Variants in MMP26 observed in about 807,000 individuals in gnomAD.
MMP26 encodes matrix metalloproteinase-26.
MMP26 carries 33 observed loss-of-function variants against 31.0 expected under a neutral mutation model. The ratio of observed to expected loss-of-function variants is 1.06; its 90% CI spans 0.81 to 1.42. MMP26 has a LOEUF of 1.42. Among genes scored for constraint, MMP26 ranks in the 40% most tolerant of loss-of-function variants. The probability of loss-of-function intolerance (pLI) is 0.00; values close to 1 mark genes in which losing one functional copy is unlikely to be tolerated. For synonymous variants in MMP26, 122 were observed against 114.9 expected, an observed-to-expected ratio of 1.06 and a Z score of -0.40; for missense variants, 347 against 316.1, an observed-to-expected ratio of 1.10 and a Z score of -0.74.
chr11:4,847,542 G>A (rs1187663984), intron 2 of MMP26: 4 of 152,124 alleles, frequency 2.6e-5, no homozygotes, highest in Non-Finnish European at 4.4e-5. Context: ...CATGTATAGT[G>A]ATCAGATCAG....
At chr11:4,716,263 T>A (rs965885710) in intron 1 of MMP26, among the ~76,000 whole-genome samples, 3 of 152,256 alleles carry the variant, frequency 2.0e-5, no homozygotes, top group Non-Finnish European at 2.9e-5. Flanking sequence ...CACCTACTTT[T>A]GCTGTGCTCA....
chr11:4,744,162 A>G (rs1161877146), intron 1 of MMP26, among the ~76,000 whole-genome samples: 2 of 152,108 alleles, frequency 1.3e-5, no homozygotes, highest in Non-Finnish European at 2.9e-5. Flanking sequence ...TAAATATTTT[A>G]TCTTAGAAAT....
At chr11:4,760,667 A>G (rs1411795865) in intron 1 of MMP26, among the ~76,000 whole-genome samples, 2 of 152,176 alleles carry the variant, frequency 1.3e-5, no homozygotes, top group Non-Finnish European at 2.9e-5. Context: ...GAAGTTTTCC[A>G]TTGATAGATT....
In MMP26 at chr11:4,854,372, C is replaced by T. The variant is rs572286738; in HGVS notation, c.-145+87031C>T. On this transcript the variant is annotated intron_variant, in intron 2 of 7. Transcript: ENST00000380390. ...TCGGGACACTCCTACCCTAATACTGCGCTTTTCCAACAGTCTTAGCAAATG... is the reference window on the plus strand; with the variant it reads ...TCGGGACACTCCTACCCTAATACTGTGCTTTTCCAACAGTCTTAGCAAATG... Among the ~76,000 whole-genome samples, 7 of 152,306 alleles carry T rather than the reference C, an allele frequency of 4.6e-5. No homozygotes were observed. The South Asian group carries it at 6.2e-4, about 14-fold the overall frequency.
At chr11:4,843,572 A>G (rs1024759011) in intron 2 of MMP26, among the ~76,000 whole-genome samples, 5 of 152,212 alleles carry the variant, frequency 3.3e-5, no homozygotes, top group African/African-American at 1.2e-4. Flanking sequence ...TCAAGGATGC[A>G]TAGATCAATG....
At chr11:4,712,020 T>A (rs1589880930) in intron 1 of MMP26, 1 of 152,202 alleles carries the variant, frequency 6.6e-6, no homozygotes, top group South Asian at 2.1e-4. Context: ...CTTCCCCTAC[T>A]GATCTGAAAC....
intron 2 of MMP26, among the ~76,000 whole-genome samples, chr11:4,808,440 C>T (rs1162665161): frequency 6.6e-6 from 1 of 152,066 alleles, no homozygotes. Context: ...GCCTCTAGCA[C>T]AGTCTCCAGC....
chr11:4,832,948 C>T (rs1361520339), intron 2 of MMP26: 1 of 165,346 alleles, frequency 6.0e-6, no homozygotes, highest in Non-Finnish European at 1.3e-5. Context: ...TCCCCTTTAG[C>T]TATGATTCTG....
intron 2 of MMP26, among the ~76,000 whole-genome samples, chr11:4,800,298 T>C (rs1252422166): frequency 6.6e-6 from 1 of 152,240 alleles, no homozygotes; most frequent in Non-Finnish European, 1.5e-5. Context: ...GCTTTCTGTG[T>C]GCCTGCAGAC....
At chr11:4,791,404 C>T (rs569996709) in intron 2 of MMP26, among the ~76,000 whole-genome samples, 271 of 152,214 alleles carry the variant, frequency 1.8e-3, no homozygotes, top group Non-Finnish European at 3.4e-3. Context: ...GAGAGTTTTA[C>T]TAACTTAGTT....
chr11:4,882,863 CT>C, intron 2 of MMP26: 1 of 1,612,720 alleles, frequency 6.2e-7, no homozygotes, highest in Non-Finnish European at 8.5e-7. Flanking sequence ...TGTGAGGGGT[CT>C]TAGGGGAAGA....
rs141565940 is a variant in MMP26, at chr11:4,708,027, A to G, written c.-217+2982A>G. On this transcript the variant is annotated intron_variant, in intron 1 of 7. Transcript: ENST00000380390. Reference sequence around the variant, plus strand: ...TTTCCCTTAGATTTATTACTCTAAGATATTTTTCACTGATCCTGTGACTTC... The same window carrying G: ...TTTCCCTTAGATTTATTACTCTAAGGTATTTTTCACTGATCCTGTGACTTC... Among the ~76,000 whole-genome samples, 7 of 152,290 alleles carry G rather than the reference A, an allele frequency of 4.6e-5. No individual in the cohort carries two copies. In the East Asian group the frequency reaches 1.4e-3, roughly 29 times the overall value.
intron 2 of MMP26, among the ~76,000 whole-genome samples, chr11:4,919,990 G>A (rs1851158456): frequency 6.6e-6 from 1 of 152,024 alleles, no homozygotes. Context: ...GGGGTGAGAT[G>A]AGCCCCTGCA....
At chr11:4,941,929 C>T (rs1846213321) in intron 2 of MMP26, among the ~76,000 whole-genome samples, 1 of 150,386 alleles carries the variant, frequency 6.6e-6, no homozygotes, top group South Asian at 2.1e-4. Flanking sequence ...ACTAAAAATA[C>T]AAAAAATTAG....
chr11:4,903,906 T>G (rs1365229604), intron 2 of MMP26: 2 of 152,068 alleles, frequency 1.3e-5, no homozygotes, highest in Non-Finnish European at 2.9e-5. Flanking sequence ...GTGGTTTCAG[T>G]GTGTGTGCAT....
intron 2 of MMP26, among the ~76,000 whole-genome samples, chr11:4,807,052 A>C (rs1849280399): frequency 6.6e-6 from 1 of 152,216 alleles, no homozygotes; most frequent in South Asian, 2.1e-4. Context: ...AACTTAAAGT[A>C]AAATTTAAAA....
chr11:4,852,562 A>G (rs1849990022), intron 2 of MMP26, among the ~76,000 whole-genome samples: 1 of 152,166 alleles, frequency 6.6e-6, no homozygotes, highest in African/African-American at 2.4e-5. Context: ...CAATAGCCAA[A>G]CTAAACAAGT....
At chr11:4,915,587 T>C in intron 2 of MMP26, 1 of 1,614,036 alleles carries the variant, frequency 6.2e-7, no homozygotes, top group Non-Finnish European at 8.5e-7. Flanking sequence ...GTGCATGCGC[T>C]CCAGCCCAGG....
chr11:4,836,928 G>A (rs994535699), intron 2 of MMP26, among the ~76,000 whole-genome samples: 7 of 151,646 alleles, frequency 4.6e-5, no homozygotes, highest in Non-Finnish European at 8.8e-5. Context: ...TGGGATTACG[G>A]GCGTGAGCCA....
Sources: gnomAD v4.1 joint callset for allele counts (sites outside exome capture counted in the v4.1 genomes callset) on GRCh38, gnomAD v4.1.1 for gene constraint, MANE v1.5 for transcripts, NCBI Gene and HGNC (gene_info 2026-07-23, HGNC 2026-07-21) for gene names.